The following BICDL1 variants were observed in gnomAD, a reference collection of about 807,000 sequenced individuals.
BICDL1 encodes the protein BICD family like cargo adaptor 1.
A neutral mutation model predicts 76.8 loss-of-function variants in BICDL1; 20 were observed. The ratio of observed to expected loss-of-function variants is 0.26; its 90% CI spans 0.18 to 0.38. BICDL1 has a LOEUF of 0.38. BICDL1 is among the 10% of genes least tolerant of loss of function. The pLI, the probability that BICDL1 is intolerant of heterozygous loss-of-function variation, is 1.00. For missense variants in BICDL1, 700 were observed against 798.6 expected (o/e 0.88, Z 1.49); for synonymous variants, 383 against 337.1 (o/e 1.14, Z -1.49).
At chr12:120,058,682 C>T (rs1953036171) in intron 2 of BICDL1, among the ~76,000 whole-genome samples, 1 of 151,432 alleles carries the variant, frequency 6.6e-6, no homozygotes, top group Admixed American at 6.6e-5. Context: ...CCTCCCTCTC[C>T]TGGGTTTAAG....
chr12:120,064,883 C>T lies in BICDL1; in HGVS notation c.909+4C>T. On this transcript the variant is annotated splice_donor_region_variant and intron_variant, in intron 4 of 9. Coordinates refer to ENST00000548673, the MANE Select transcript of BICDL1 (RefSeq NM_001367886.1). The stretch of plus-strand genomic sequence containing the variant: ...GGGCCATGACAAGGACCTACAGGTA[C>T]TGGGGTAGAGAAGCTGTCCTGCAGG... 25 of 1,602,404 alleles carry T rather than the reference C, an allele frequency of 1.6e-5. No homozygotes were observed. The highest frequency in any genetic ancestry group is 2.1e-5 in the Non-Finnish European group (25 of 1,175,862).
chr12:119,997,714 T>C (rs1028163433), intron 1 of BICDL1, among the ~76,000 whole-genome samples: 1 of 152,178 alleles, frequency 6.6e-6, no homozygotes, highest in African/African-American at 2.4e-5. Flanking sequence ...AGATGGTTAA[T>C]TGAAAAGATC....
intron 2 of BICDL1, among the ~76,000 whole-genome samples, chr12:120,036,752 T>A (rs1161416483): frequency 6.6e-6 from 1 of 152,206 alleles, no homozygotes; most frequent in Non-Finnish European, 1.5e-5. Flanking sequence ...GGCATGCGCC[T>A]GTAGTCCCAG....
At chr12:120,080,267 G>C (rs142201329) in intron 7 of BICDL1, among the ~76,000 whole-genome samples, 1 of 152,352 alleles carries the variant, frequency 6.6e-6, no homozygotes, top group East Asian at 1.9e-4. Context: ...ACCTGAGAAG[G>C]TGGTGGTGCC....
chr12:119,989,780 A>C lies in BICDL1; in HGVS notation c.-89A>C. Reference sequence around the variant, plus strand: ...GCCGCGGCGCGAGGCGAGGCGCGGGACGCGGGGCGGCGCGGCAGGGCCCCT... The same window carrying C: ...GCCGCGGCGCGAGGCGAGGCGCGGGCCGCGGGGCGGCGCGGCAGGGCCCCT... On this transcript the variant is annotated 5_prime_UTR_variant, in exon 1 of 10. Transcript: ENST00000548673. The C allele has an allele frequency of 2.0e-6, 1 of 511,310 alleles. No homozygotes were observed. Among genetic ancestry groups the C allele is most frequent in the Non-Finnish European group, 2.5e-6 (1 of 402,818 alleles). 31.7% of individuals were successfully genotyped at this position (511,310 alleles called of 1,614,324 possible).
At chr12:120,008,990 C>T (rs73408794) in intron 2 of BICDL1, among the ~76,000 whole-genome samples, 2,533 of 143,728 alleles carry the variant, frequency 0.018, 69 homozygotes, top group African/African-American at 0.062. Context: ...ATTAGTTGAG[C>T]CTGTTCTTTT....
intron 2 of BICDL1, among the ~76,000 whole-genome samples, chr12:120,021,870 A>G (rs535278576): frequency 1.3e-5 from 2 of 151,552 alleles, no homozygotes; most frequent in East Asian, 3.9e-4. Context: ...GCACCACTGC[A>G]CTCCAGCCTA....
intron 4 of BICDL1, among the ~76,000 whole-genome samples, chr12:120,065,472 G>A (rs112042316): frequency 6.2e-4 from 95 of 152,160 alleles, no homozygotes; most frequent in Middle Eastern, 6.8e-3. Context: ...AACTGCTACC[G>A]GGCCTCAGCT....
chr12:119,999,809 T>C (rs1236456338), intron 2 of BICDL1: 1 of 444,202 alleles, frequency 2.3e-6, no homozygotes, highest in East Asian at 7.0e-5. Context: ...TCTTGTATAT[T>C]GAAAATAAAA....
chr12:120,077,357 C>T (rs1873631099), intron 7 of BICDL1, among the ~76,000 whole-genome samples: 1 of 152,204 alleles, frequency 6.6e-6, no homozygotes, highest in African/African-American at 2.4e-5. Flanking sequence ...CCATCAGTGG[C>T]AAGGAACTGC....
intron 5 of BICDL1, 130 bp from the exon 6 acceptor site, chr12:120,072,380 CA>C: frequency 1.3e-6 from 1 of 775,480 alleles, no homozygotes; most frequent in Non-Finnish European, 2.1e-6. Context: ...AAAAAAAACA[CA>C]GAACAAAAAA....
chr12:120,024,792 A>T (rs1952255536), intron 2 of BICDL1, among the ~76,000 whole-genome samples: 1 of 151,612 alleles, frequency 6.6e-6, no homozygotes, highest in Admixed American at 6.6e-5. Context: ...GGTTCAAGTG[A>T]TTGACAGGTG....
chr12:120,036,149 T>C (rs754264739), intron 2 of BICDL1, among the ~76,000 whole-genome samples: 12 of 152,248 alleles, frequency 7.9e-5, no homozygotes, highest in Non-Finnish European at 1.3e-4. Flanking sequence ...TAAACAGTCT[T>C]GGACATACAG....
chr12:120,080,638 G>A (rs1319220991), intron 7 of BICDL1: 4 of 361,904 alleles, frequency 1.1e-5, no homozygotes, highest in African/African-American at 2.1e-5. Flanking sequence ...TCTGGCCTAC[G>A]GCTGCAGGTC....
intron 2 of BICDL1, among the ~76,000 whole-genome samples, chr12:120,056,517 G>A (rs964725508): frequency 6.6e-6 from 1 of 152,148 alleles, no homozygotes; most frequent in African/African-American, 2.4e-5. Flanking sequence ...TCAGAAGTTC[G>A]AGACCAGCCT....
intron 2 of BICDL1, among the ~76,000 whole-genome samples, chr12:120,016,329 G>C (rs576193007): frequency 1.3e-5 from 2 of 151,128 alleles, no homozygotes; most frequent in African/African-American, 4.9e-5. Context: ...CAACTATTAT[G>C]AATAGTGCTG....
intron 2 of BICDL1, among the ~76,000 whole-genome samples, chr12:120,024,903 C>T (rs12316670): frequency 0.086 from 13,064 of 152,070 alleles, 681 homozygotes; most frequent in African/African-American, 0.14. Flanking sequence ...GTTTCGAACT[C>T]CTGACCTCAA....
At chr12:120,000,518 C>A (rs1307980048) in intron 2 of BICDL1, 1 of 152,172 alleles carries the variant, frequency 6.6e-6, no homozygotes, top group African/African-American at 2.4e-5. Flanking sequence ...TGTTCAAAAA[C>A]ATTTAATACA....
At chr12:119,993,961 CT>C (rs1281122305) in intron 1 of BICDL1, among the ~76,000 whole-genome samples, 3 of 152,222 alleles carry the variant, frequency 2.0e-5, no homozygotes, top group Admixed American at 2.0e-4. Flanking sequence ...TTCTTTTCAT[CT>C]ACAATTAGCC....
Sources: gnomAD v4.1 joint callset for allele counts (sites outside exome capture counted in the v4.1 genomes callset) on GRCh38, gnomAD v4.1.1 for gene constraint, MANE v1.5 for transcripts, NCBI Gene and HGNC (gene_info 2026-07-23, HGNC 2026-07-21) for gene names.